Variants in TDRD9 observed in about 807,000 individuals in gnomAD.
TDRD9 encodes tudor domain containing 9.
TDRD9 carries 124 observed loss-of-function variants against 172.6 expected under a neutral mutation model. The ratio of observed to expected loss-of-function variants is 0.72; its 90% confidence interval spans 0.62 to 0.83. TDRD9 has a LOEUF of 0.83. Among genes scored for constraint, TDRD9 ranks in the 40% least tolerant of loss-of-function variants. TDRD9 has a pLI of 0.00. For synonymous variants in TDRD9, 619 were observed against 617.1 expected (o/e 1.00, Z -0.05); for missense variants, 1,479 against 1,714.1 (o/e 0.86, Z 2.42).
At chr14:104,049,077 G>A (rs1163678112) in intron 34 of TDRD9, among the ~76,000 whole-genome samples, 1 of 151,706 alleles carries the variant, frequency 6.6e-6, no homozygotes, top group African/African-American at 2.4e-5. Flanking sequence ...AATTTCCAGA[G>A]CCTTCAAATG....
At chr14:103,933,217 A>G (rs2030520445) in intron 1 of TDRD9, among the ~76,000 whole-genome samples, 1 of 152,234 alleles carries the variant, frequency 6.6e-6, no homozygotes, top group Non-Finnish European at 1.5e-5. Context: ...AGAAAACCTC[A>G]GTGGCTGTGA....
rs1022313847 is a variant in TDRD9, at chr14:104,008,486, C to G, written c.2106+20C>G. ...AGAGAGGTAAGTTAAGTTTTTTGAC[C>G]AAATGGATGCAAATAAAGTTGACTT... is the stretch of plus-strand genomic sequence containing the variant. On this transcript the variant is annotated intron_variant, in intron 20 of 35. Coordinates refer to ENST00000409874, the MANE Select transcript of TDRD9 (RefSeq NM_153046.3). 7.1e-7 allele frequency: 1 copy of G among 1,405,918 alleles called. No homozygotes were observed. The highest frequency in any genetic ancestry group is 2.3e-5 in the East Asian group (1 of 43,610). 87.1% of individuals were successfully genotyped at this position (1,405,918 alleles called of 1,614,324 possible). A position where few individuals can be genotyped will look rare whatever the true frequency, so the allele number is the denominator to read the frequency against.
Position 104,040,284 on chromosome 14 carries a change from G to A in TDRD9, c.3805G>A (p.Asp1269Asn), listed in dbSNP as rs867694067. The part of the protein sequence containing the change: ...ATGASILPEH[D>N]MELAFDVQFS... ...AGGGGCTTCCATACTGCCCGAGCAC[G>A]ACATGGAGCTTGCGTTTGACGTTCA... is the stretch of plus-strand genomic sequence containing the variant. The change falls in exon 33 of 36, where the codon GAC becomes AAC. Residue 1269 changes from aspartate to asparagine, a missense_variant. Transcript: ENST00000409874. 3 of 1,551,596 alleles carry A rather than the reference G, an allele frequency of 1.9e-6. No individual in the cohort carries two copies. The highest frequency in any genetic ancestry group is 1.4e-5 in the African/African-American group (1 of 73,144).
intron 12 of TDRD9, among the ~76,000 whole-genome samples, chr14:103,998,161 T>TGGGGGGGGGGGGGGGGG: frequency 7.3e-6 from 1 of 136,258 alleles, no homozygotes. Flanking sequence ...TGCACACTTC[T>TGGGGGGGGGGGGGGGGG]ACCCACCCAC....
chr14:103,931,261 T>C (rs2030372159), intron 1 of TDRD9, among the ~76,000 whole-genome samples: 1 of 150,644 alleles, frequency 6.6e-6, no homozygotes, highest in Non-Finnish European at 1.5e-5. Flanking sequence ...ATTGTGCCAC[T>C]GCACTCCAGC....
intron 32 of TDRD9, among the ~76,000 whole-genome samples, chr14:104,039,084 T>TA (rs2035535521): frequency 6.6e-6 from 1 of 152,152 alleles, no homozygotes; most frequent in South Asian, 2.1e-4. Context: ...TCAGGAAACT[T>TA]ACAGTCATGG....
chr14:103,935,060 T>C (rs2030665012), intron 1 of TDRD9, among the ~76,000 whole-genome samples: 3 of 152,212 alleles, frequency 2.0e-5, no homozygotes, highest in Non-Finnish European at 4.4e-5. Context: ...AAGAAGAAAC[T>C]GTGTCAGCCG....
intron 5 of TDRD9, among the ~76,000 whole-genome samples, chr14:103,969,052 A>G (rs1303059364): frequency 2.0e-5 from 3 of 149,790 alleles, no homozygotes; most frequent in Admixed American, 6.7e-5. Context: ...GTGAGCGGAG[A>G]TCGCGTCACT....
At position 104,006,710 on chromosome 14, in the gene TDRD9, G is replaced by A. The variant is rs1200396370; in HGVS notation, c.1943+1G>A. 6.2e-7 allele frequency: 1 copy of A among 1,613,762 alleles called. No homozygotes were observed. Among genetic ancestry groups the A allele is most frequent in the African/African-American group, 1.3e-5 (1 of 75,010 alleles). Reference sequence around the variant, plus strand: ...TCCGGCAGCATCTCGATGGATATAGGTACTGAACATTCATATTTTAAAGTG... The same window carrying A: ...TCCGGCAGCATCTCGATGGATATAGATACTGAACATTCATATTTTAAAGTG... On this transcript the variant is annotated splice_donor_variant, in intron 17 of 35. Coordinates refer to ENST00000409874, the MANE Select transcript of TDRD9 (RefSeq NM_153046.3). LOFTEE classifies it high-confidence loss of function.
chr14:103,991,308 T>C lies in TDRD9; in HGVS notation c.1180+84T>C. 2.9e-6 allele frequency: 4 copies of C among 1,392,382 alleles called. No individual in the cohort carries two copies. In the East Asian group the frequency reaches 9.3e-5, roughly 32 times the overall value. 86.3% of individuals were successfully genotyped at this position (1,392,382 alleles called of 1,614,324 possible). The stretch of plus-strand genomic sequence containing the variant: ...TGTGCCTAACACAGATTATGAAAGA[T>C]GGTATTCTCCATAGGACTTTATTCT... On this transcript the variant is annotated intron_variant, in intron 9 of 35. Coordinates refer to ENST00000409874, the MANE Select transcript of TDRD9 (RefSeq NM_153046.3).
chr14:103,930,032 G>A (rs79377220), intron 1 of TDRD9, among the ~76,000 whole-genome samples: 4,354 of 152,272 alleles, frequency 0.029, 130 homozygotes, highest in African/African-American at 0.075. Flanking sequence ...GAGGAAAGAC[G>A]TAGATTTGGT....
At chr14:103,982,252 AC>A (rs2152181366) in intron 7 of TDRD9, among the ~76,000 whole-genome samples, 1 of 152,144 alleles carries the variant, frequency 6.6e-6, no homozygotes, top group African/African-American at 2.4e-5. Flanking sequence ...CTTTGCGAAC[AC>A]CCACCTTAGG....
Position 103,991,881 on chromosome 14 carries a change from C to T in TDRD9, c.1180+657C>T, listed in dbSNP as rs540396594. 5.9e-5 allele frequency among the ~76,000 whole-genome samples: 9 copies of T among 152,150 alleles called. No individual in the cohort carries two copies. In the South Asian group the frequency reaches 6.2e-4, roughly 11 times the overall value. On this transcript the variant is annotated intron_variant, in intron 9 of 35. Transcript: ENST00000409874. ...CAAGTGATTCTCCTGCCTAAGCCTC[C>T]GAAGTAGCTGGGATTACAGACACGC...
chr14:103,984,283 A>G (rs2033585354), intron 7 of TDRD9, among the ~76,000 whole-genome samples: 1 of 152,244 alleles, frequency 6.6e-6, no homozygotes, highest in Admixed American at 6.5e-5. Flanking sequence ...CAATGGGGAA[A>G]ATGTCTCCAG....
chr14:103,994,557 A>T lies in TDRD9; in HGVS notation c.1274A>T (p.Glu425Val). Residue 425 changes from glutamate (E) to valine (V), a missense_variant, in exon 11 of 36, where the codon GAA becomes GTA. By Grantham distance (121) the Glu-to-Val change is moderately radical. Transcript: ENST00000409874. ...VYPLHSSVAL[E>V]EQNNVFLSPV... is the part of the protein sequence containing the mutation. ...CCACTCCATTCAAGTGTGGCTTTAG[A>T]AGAACAGAATAATGTCTTTTTAAGT... 6.2e-7 allele frequency: 1 copy of T among 1,613,970 alleles called. No individual in the cohort carries two copies. Among genetic ancestry groups the T allele is most frequent in the Non-Finnish European group, 8.5e-7 (1 of 1,179,864 alleles).
chr14:104,026,712 T>C lies in TDRD9; in HGVS notation c.3055T>C (p.Ser1019Pro). ...LEFKICKMRPSAKSLVCGKHW... is the reference protein window; with the variant it reads ...LEFKICKMRPPAKSLVCGKHW... ...ATTTAAGATTTGCAAAATGAGACCATCAGCAAAGTCTCTTGTTTGTGGCAA... is the reference window on the plus strand; with the variant it reads ...ATTTAAGATTTGCAAAATGAGACCACCAGCAAAGTCTCTTGTTTGTGGCAA... Residue 1019 changes from serine (S) to proline (P), a missense_variant, in exon 28 of 36, where the codon TCA (serine) becomes CCA (proline). Transcript: ENST00000409874. 6.2e-7 allele frequency: 1 copy of C among 1,614,034 alleles called. No homozygotes were observed. Among genetic ancestry groups the C allele is most frequent in the South Asian group, 1.1e-5 (1 of 91,084 alleles).
In TDRD9 at chr14:104,015,994, G is replaced by A. The variant is rs1296705112; in HGVS notation, c.2237G>A (p.Gly746Asp). The A allele has an allele frequency of 1.3e-6, 2 of 1,591,778 alleles. No individual in the cohort carries two copies. The highest frequency in any genetic ancestry group is 1.7e-6 in the Non-Finnish European group (2 of 1,169,714). ...TTTCTTTTTCAGGTTGTATTGGCAGGTGCTTTCTATCCAAATTACTTTACT... is the reference window on the plus strand; with the variant it reads ...TTTCTTTTTCAGGTTGTATTGGCAGATGCTTTCTATCCAAATTACTTTACT... ...QRFILQVVLA[G>D]AFYPNYFTFG... The change falls in exon 22 of 36, where the codon GGT (glycine) becomes GAT (aspartate). Residue 746 changes from glycine to aspartate, a missense_variant. Physicochemically the swap from Gly to Asp is moderately conservative, Grantham distance 94 (BLOSUM62 -1). Around this residue, in one of 3 missense-constraint regions of TDRD9, gnomAD observed 1,413 missense variants for 1,649.1 expected, o/e 0.86. Coordinates refer to ENST00000409874, the MANE Select transcript of TDRD9 (RefSeq NM_153046.3).
intron 20 of TDRD9, among the ~76,000 whole-genome samples, chr14:104,010,071 G>A (rs567105625): frequency 6.6e-6 from 1 of 150,846 alleles, no homozygotes; most frequent in Non-Finnish European, 1.5e-5. Flanking sequence ...TCAGCCTCCC[G>A]AGTAGCTGGG....
At chr14:103,967,741 G>A (rs1190999657) in intron 5 of TDRD9, among the ~76,000 whole-genome samples, 1 of 152,084 alleles carries the variant, frequency 6.6e-6, no homozygotes, top group Admixed American at 6.5e-5. Flanking sequence ...ATGATCTACT[G>A]TTTCTTACAA....
Sources: allele counts gnomAD v4.1 joint callset (sites outside exome capture counted in the v4.1 genomes callset), GRCh38; gene constraint gnomAD v4.1.1; regional missense constraint gnomAD v4.1.1; transcripts MANE v1.5; gene names NCBI Gene and HGNC (gene_info 2026-07-23, HGNC 2026-07-21).